ZDHHC6: variants seen among roughly 807,000 people sequenced by gnomAD.
The protein encoded by ZDHHC6 is zDHHC palmitoyltransferase 6.
ZDHHC6 carries 32 observed loss-of-function variants against 57.8 expected under a neutral mutation model. The observed-to-expected ratio is 0.55, with a 90% confidence interval of 0.42 to 0.74. The LOEUF (loss-of-function observed/expected upper bound fraction) is 0.74. Among genes scored for constraint, ZDHHC6 ranks in the 30% least tolerant of loss-of-function variants. The probability of loss-of-function intolerance (pLI) is 0.00; values close to 1 mark genes in which losing one functional copy is unlikely to be tolerated. For synonymous variants in ZDHHC6, 128 were observed against 158.0 expected (o/e 0.81, Z 1.42); for missense variants, 433 against 500.7 (o/e 0.86, Z 1.29).
chr10:112,437,663 C>T (rs1845669715), intron 6 of ZDHHC6, among the ~76,000 whole-genome samples: 1 of 152,176 alleles, frequency 6.6e-6, no homozygotes, highest in South Asian at 2.1e-4. Flanking sequence ...TAAAACGATG[C>T]TATTCTTCTC....
downstream of ZDHHC6, chr10:112,426,911 A>G (rs1355322630): frequency 7.0e-7 from 1 of 1,432,738 alleles, no homozygotes; most frequent in Non-Finnish European, 9.8e-7. Context: ...AGTTTTGTTT[A>G]AAGTTTCCAT....
chr10:112,428,587 T>G (rs891327654), downstream of ZDHHC6: 23 of 388,004 alleles, frequency 5.9e-5, no homozygotes, highest in Non-Finnish European at 9.1e-5. Context: ...CTGGCTACTA[T>G]GGTGAAACCC....
upstream of ZDHHC6, chr10:112,446,961 G>A (rs1846833219): frequency 4.3e-6 from 1 of 234,310 alleles, no homozygotes; most frequent in East Asian, 6.2e-5. Context: ...ACTTCCGGAG[G>A]TTCGCCGCCT....
At chr10:112,432,308 A>G (rs1589719860) in intron 9 of ZDHHC6, 22 bp from the exon 10 acceptor site, 1 of 1,607,474 alleles carries the variant, frequency 6.2e-7, no homozygotes, top group Non-Finnish European at 8.5e-7. Flanking sequence ...AAAAGATGAA[A>G]ATTAATTTTT....
At chr10:112,432,684 G>C (rs1845157228) in intron 8 of ZDHHC6, among the ~76,000 whole-genome samples, 163 bp from the exon 9 acceptor site, 1 of 152,054 alleles carries the variant, frequency 6.6e-6, no homozygotes. Context: ...TAGTTCCCTG[G>C]GAGGCAACTA....
At chr10:112,429,744 G>A (rs1844871604), downstream of ZDHHC6, among the ~76,000 whole-genome samples, 1 of 152,200 alleles carries the variant, frequency 6.6e-6, no homozygotes, top group South Asian at 2.1e-4. Context: ...TATGTTTAAA[G>A]TCTAGAACAC....
intron 7 of ZDHHC6, 144 bp downstream of exon 7, chr10:112,434,153 T>A: frequency 1.4e-6 from 1 of 729,012 alleles, no homozygotes; most frequent in South Asian, 2.9e-5. Flanking sequence ...ATACAAGGAG[T>A]GCTTTAGAAT....
intron 6 of ZDHHC6, among the ~76,000 whole-genome samples, chr10:112,435,739 A>G (rs1031740005): frequency 7.4e-4 from 112 of 152,350 alleles, no homozygotes; most frequent in African/African-American, 2.6e-3. Flanking sequence ...ACAGCTTCAG[A>G]GTCTTCAAAA....
downstream of ZDHHC6, among the ~76,000 whole-genome samples, chr10:112,429,412 G>A (rs1019532990): frequency 6.6e-6 from 1 of 152,114 alleles, no homozygotes; most frequent in Admixed American, 6.5e-5. Context: ...TGCTTCAAAT[G>A]CCAACTCAAG....
chr10:112,447,056 C>A (rs1846844058), upstream of ZDHHC6: 9 of 322,858 alleles, frequency 2.8e-5, no homozygotes, highest in South Asian at 4.9e-4. Context: ...GGGGAAAAAA[C>A]GCTTCTAATG....
At chr10:112,429,119 G>A (rs986609476), downstream of ZDHHC6, among the ~76,000 whole-genome samples, 1 of 152,120 alleles carries the variant, frequency 6.6e-6, no homozygotes, top group African/African-American at 2.4e-5. Flanking sequence ...TTCTTGGATG[G>A]TCTTTCTAGA....
Position 112,434,578 on chromosome 10 carries a change from C to T in ZDHHC6, c.736-114G>A, listed in dbSNP as rs1355507582. On this transcript the variant is annotated intron_variant, in intron 6 of 10. Coordinates refer to ENST00000369405, the MANE Select transcript of ZDHHC6 (RefSeq NM_022494.3). ...TCTAACATTCATAAAAATACTTCCT[C>T]CTTGCTGTAATATTAGTGTACATGG... The T allele has an allele frequency of 5.5e-6, 6 of 1,098,302 alleles. No homozygotes were observed. The East Asian group carries it at 1.3e-4, about 24-fold the overall frequency. The allele number at this position is 1,098,302 out of a possible 1,614,324, so 68.0% of individuals were successfully genotyped here.
Position 112,430,632 on chromosome 10 carries a change from A to T in ZDHHC6, c.*172T>A, listed in dbSNP as rs1844932558. 5.6e-6 allele frequency: 3 copies of T among 540,516 alleles called. No individual in the cohort carries two copies. In the Admixed American group the frequency reaches 1.1e-4, roughly 19 times the overall value. The allele number at this position is 540,516 out of a possible 1,614,324, so 33.5% of individuals were successfully genotyped here. A position where few individuals can be genotyped will look rare whatever the true frequency, so the allele number is the denominator to read the frequency against. On this transcript the variant is annotated 3_prime_UTR_variant, in exon 11 of 11. Transcript: ENST00000369405. ...GGCAGGAATTCAAAGGCATATGCAG[A>T]ATGGCTTCTCCATTTCAAAATGGTA... is the stretch of plus-strand genomic sequence containing the variant.
At chr10:112,429,999 G>A (rs1450610368), downstream of ZDHHC6, among the ~76,000 whole-genome samples, 3 of 151,410 alleles carry the variant, frequency 2.0e-5, no homozygotes, top group Admixed American at 6.6e-5. Context: ...ATTTCCCCTC[G>A]GCCCCCTAGA....
At chr10:112,437,423 T>C (rs1845646638) in intron 6 of ZDHHC6, among the ~76,000 whole-genome samples, 1 of 152,208 alleles carries the variant, frequency 6.6e-6, no homozygotes, top group Non-Finnish European at 1.5e-5. Context: ...AAAAATCTTA[T>C]TGATAAGAAA....
upstream of ZDHHC6, chr10:112,447,433 C>T: frequency 6.2e-7 from 1 of 1,613,710 alleles, no homozygotes; most frequent in Non-Finnish European, 8.5e-7. Context: ...CAGAGATCAC[C>T]AGCAAGATTG....
chr10:112,447,030 TCC>T, upstream of ZDHHC6: 6 of 286,558 alleles, frequency 2.1e-5, no homozygotes, highest in Admixed American at 8.5e-5. Context: ...CGGAGCCGAT[TCC>T]CAGAACACGA....
chr10:112,426,906 T>C (rs1468845910), downstream of ZDHHC6: 5 of 1,472,048 alleles, frequency 3.4e-6, no homozygotes, highest in Non-Finnish European at 4.7e-6. Context: ...CAGAAAGTTT[T>C]GTTTAAAGTT....
chr10:112,442,505 G>C (rs1846219641), intron 3 of ZDHHC6, among the ~76,000 whole-genome samples, 154 bp from the exon 4 acceptor site: 2 of 152,176 alleles, frequency 1.3e-5, no homozygotes, highest in African/African-American at 4.8e-5. Flanking sequence ...ATCTTTATGA[G>C]CTTTTAAACA....
Sources: allele counts gnomAD v4.1 joint callset (sites outside exome capture counted in the v4.1 genomes callset), GRCh38; gene constraint gnomAD v4.1.1; transcripts MANE v1.5; gene names NCBI Gene and HGNC (gene_info 2026-07-23, HGNC 2026-07-21).